The following OR10R2 variants were observed in gnomAD, a reference collection of about 807,000 sequenced individuals.
OR10R2 encodes olfactory receptor 10R2.
A neutral mutation model predicts 2.4 loss-of-function variants in OR10R2; 1 was observed. That is an observed-to-expected ratio of 0.41 (90% confidence interval 0.15 to 1.95). The LOEUF is 1.95. OR10R2 is among the 30% of genes most tolerant of loss of function. The pLI, the probability that OR10R2 is intolerant of heterozygous loss-of-function variation, is 0.30. For synonymous variants in OR10R2, 166 were observed against 144.8 expected, an observed-to-expected ratio of 1.15 and a Z score of -1.05; for missense variants, 419 against 373.0, an observed-to-expected ratio of 1.12 and a Z score of -1.01.
chr1:158,473,879 T>C (rs6695319), intron 1 of OR10R2, among the ~76,000 whole-genome samples: 13,138 of 57,456 alleles, frequency 0.23, 1,045 homozygotes, highest in African/African-American at 0.32. Context: ...TCTGCTTCCT[T>C]CCTCCCTCCT....
exon 2 of OR10R2, chr1:158,480,909 TTAA>T (rs1656392933): frequency 3.7e-6 from 4 of 1,089,306 alleles, no homozygotes; most frequent in Admixed American, 2.6e-5. Flanking sequence ...TTTAGATTTC[TTAA>T]TAAATAATGC....
At chr1:158,479,835 C>T in intron 1 of OR10R2, 103 bp from the exon 2 acceptor site, 2 of 1,241,132 alleles carry the variant, frequency 1.6e-6, no homozygotes, top group Non-Finnish European at 2.3e-6. Context: ...GAATAAAAGG[C>T]AAGATTCTTC....
chr1:158,479,160 A>G (rs942402063), intron 1 of OR10R2, among the ~76,000 whole-genome samples: 4 of 152,150 alleles, frequency 2.6e-5, no homozygotes, highest in African/African-American at 9.6e-5. Flanking sequence ...ATGGATCACA[A>G]TGCTCCAAAA....
At chr1:158,476,069 G>A (rs1251135026) in intron 1 of OR10R2, among the ~76,000 whole-genome samples, 2 of 151,920 alleles carry the variant, frequency 1.3e-5, no homozygotes, top group African/African-American at 4.8e-5. Context: ...ATATATAGCT[G>A]ACATTATTTT....
At chr1:158,480,090 G>T (rs1656351878) in exon 2 of OR10R2, 1 of 1,613,684 alleles carries the variant, frequency 6.2e-7, no homozygotes, top group African/African-American at 1.3e-5. Flanking sequence ...TCATCCACCT[G>T]GATAAAAGCC....
intron 1 of OR10R2, among the ~76,000 whole-genome samples, chr1:158,475,590 T>C (rs767993911): frequency 4.1e-4 from 63 of 151,846 alleles, no homozygotes; most frequent in Non-Finnish European, 7.5e-4. Flanking sequence ...TCAAAGTTTG[T>C]TATTTTCTCC....
exon 2 of OR10R2, chr1:158,480,655 A>G: frequency 6.2e-7 from 1 of 1,613,916 alleles, no homozygotes; most frequent in South Asian, 1.1e-5. Flanking sequence ...AGCGTTTTCC[A>G]CCTGCGCCTC....
intron 1 of OR10R2, among the ~76,000 whole-genome samples, chr1:158,477,721 G>A (rs941415021): frequency 5.3e-5 from 8 of 151,954 alleles, no homozygotes; most frequent in South Asian, 4.2e-4. Context: ...TAAAATGGCC[G>A]TACTGTCAAA....
chr1:158,475,152 C>T (rs1656247906), intron 1 of OR10R2, among the ~76,000 whole-genome samples: 1 of 152,112 alleles, frequency 6.6e-6, no homozygotes. Flanking sequence ...AGCCAAGTTA[C>T]CTTCCTCTAG....
At position 158,479,937 on chromosome 1, in the gene OR10R2, G is replaced by C; in HGVS notation, c.28-1G>C. The C allele has an allele frequency of 6.2e-7, 1 of 1,614,002 alleles. No individual in the cohort carries two copies. Among genetic ancestry groups the C allele is most frequent in the Non-Finnish European group, 8.5e-7 (1 of 1,179,936 alleles). ...TGTTTTACTTCTTTCCCCCTTTGCA[G>C]ATCTTGGCAGAAAACCTCACCATGG... On this transcript the variant is annotated splice_acceptor_variant, in intron 1 of 1. Coordinates refer to ENST00000641067, the Ensembl canonical transcript of OR10R2. LOFTEE classifies it high-confidence loss of function.
intron 1 of OR10R2, among the ~76,000 whole-genome samples, chr1:158,477,845 G>C (rs1382844116): frequency 6.6e-6 from 1 of 151,980 alleles, no homozygotes; most frequent in Non-Finnish European, 1.5e-5. Flanking sequence ...AATAGCCCAA[G>C]TAACCCTAAA....
chr1:158,474,525 C>T (rs1656234700), intron 1 of OR10R2: 1 of 152,102 alleles, frequency 6.6e-6, no homozygotes, highest in African/African-American at 2.4e-5. Flanking sequence ...AGTTCTGGCT[C>T]TAGAGAGGAA....
chr1:158,473,467 A>G (rs1405181710), intron 1 of OR10R2, among the ~76,000 whole-genome samples: 1 of 152,220 alleles, frequency 6.6e-6, no homozygotes, highest in Non-Finnish European at 1.5e-5. Context: ...TTAGTAATGT[A>G]TACAATAAAT....
At chr1:158,478,206 G>T (rs1656307761) in intron 1 of OR10R2, among the ~76,000 whole-genome samples, 1 of 152,124 alleles carries the variant, frequency 6.6e-6, no homozygotes, top group African/African-American at 2.4e-5. Context: ...AAAAATCCTA[G>T]ACGAAAACCT....
At chr1:158,476,185 T>C (rs1443647909) in intron 1 of OR10R2, among the ~76,000 whole-genome samples, 3 of 152,076 alleles carry the variant, frequency 2.0e-5, no homozygotes, top group Admixed American at 1.3e-4. Context: ...ATGATTTTCG[T>C]ATGATTTTAT....
exon 2 of OR10R2, chr1:158,480,710 T>A: frequency 6.2e-7 from 1 of 1,613,280 alleles, no homozygotes; most frequent in Non-Finnish European, 8.5e-7. Context: ...GCTTCCTTCA[T>A]CTACCTGAGG....
At chr1:158,475,501 AT>A (rs1190196805) in intron 1 of OR10R2, among the ~76,000 whole-genome samples, 7 of 151,928 alleles carry the variant, frequency 4.6e-5, no homozygotes, top group Admixed American at 1.3e-4. Flanking sequence ...GTTAAAATAT[AT>A]TTTTAACATA....
At chr1:158,473,332 G>A (rs1427927097) in intron 1 of OR10R2, among the ~76,000 whole-genome samples, 3 of 152,130 alleles carry the variant, frequency 2.0e-5, no homozygotes, top group Admixed American at 6.5e-5. Flanking sequence ...ATTGTACCAG[G>A]TAAGAATGAT....
chr1:158,479,311 T>G (rs1656331137), intron 1 of OR10R2, among the ~76,000 whole-genome samples: 1 of 152,178 alleles, frequency 6.6e-6, no homozygotes, highest in Non-Finnish European at 1.5e-5. Flanking sequence ...TAGACCAATT[T>G]GGTCAGAATT....
Sources: gnomAD v4.1 joint callset for allele counts (sites outside exome capture counted in the v4.1 genomes callset) on GRCh38, gnomAD v4.1.1 for gene constraint, MANE v1.5 for transcripts, NCBI Gene and HGNC (gene_info 2026-07-23, HGNC 2026-07-21) for gene names.